The following GPLD1 variants were observed in gnomAD, a reference collection of about 807,000 sequenced individuals.
GPLD1 encodes phosphatidylinositol-glycan-specific phospholipase D.
In GPLD1, 84 loss-of-function variants were observed where a neutral mutation model predicts 112.6. The ratio of observed to expected loss-of-function variants is 0.75; its 90% CI spans 0.63 to 0.89. GPLD1 has a LOEUF of 0.89. Among genes scored for constraint, GPLD1 ranks in the 40% least tolerant of loss-of-function variants. The pLI is 0.00. For synonymous variants in GPLD1, 386 were observed against 403.8 expected (o/e 0.96, Z 0.53); for missense variants, 1,044 against 1,051.5 (o/e 0.99, Z 0.10).
chr6:24,440,648 G>C (rs931927326), intron 20 of GPLD1, among the ~76,000 whole-genome samples: 2 of 145,762 alleles, frequency 1.4e-5, no homozygotes, highest in African/African-American at 5.0e-5. Flanking sequence ...GGCTACTTGT[G>C]AACCTGAGAT....
intron 12 of GPLD1, among the ~76,000 whole-genome samples, chr6:24,456,981 C>T (rs1229747630): frequency 6.6e-6 from 1 of 152,148 alleles, no homozygotes; most frequent in African/African-American, 2.4e-5. Flanking sequence ...AGCAATTCTC[C>T]TGCCTTAGCC....
At chr6:24,440,647 T>C (rs901730188) in intron 20 of GPLD1, among the ~76,000 whole-genome samples, 1 of 147,026 alleles carries the variant, frequency 6.8e-6, no homozygotes, top group Non-Finnish European at 1.5e-5. Flanking sequence ...CGGCTACTTG[T>C]GAACCTGAGA....
rs1276469706 is a variant in GPLD1 at position 24,466,768 on chromosome 6, C to G, written c.733G>C (p.Glu245Gln). 1 of 1,611,658 alleles carries G rather than the reference C, an allele frequency of 6.2e-7. No homozygotes were observed. ...TCATCCAGTCCTCCAAGAAAATACT[C>G]TTGGAATTGTTCCACCAAAAACGGG... ...KSPFLVEQFQ[E>Q]YFLGGLDDMA... The change falls in exon 10 of 25, where the codon GAG becomes CAG. Residue 245 changes from glutamate to glutamine, a missense_variant. Glu to Gln is a conservative substitution (Grantham distance 29). Transcript: ENST00000230036.
At chr6:24,480,044 T>C in intron 2 of GPLD1, 85 bp from the exon 3 acceptor site, 2 of 802,972 alleles carry the variant, frequency 2.5e-6, no homozygotes, top group Non-Finnish European at 4.4e-6. Context: ...TGTGATGAGA[T>C]GCTAGAAATA....
At position 24,437,155 on chromosome 6, in the gene GPLD1, C is replaced by G. The variant is rs1180826854; in HGVS notation, c.2155G>C (p.Gly719Arg). ...FSGDRRFSRF[G>R]GVLHLSDLDD... is the part of the protein sequence containing the mutation. ...AGGTCACTCAAGTGCAGAACGCCAC[C>G]AAATCGGGAGAAGCGGCGGTCTCCG... The change falls in exon 21 of 25, where the codon GGT becomes CGT. Residue 719 changes from glycine (G) to arginine (R), a missense_variant. Transcript: ENST00000230036. The G allele has an allele frequency of 1.2e-6, 2 of 1,614,234 alleles. No homozygotes were observed. The highest frequency in any genetic ancestry group is 1.7e-6 in the Non-Finnish European group (2 of 1,180,030).
At chr6:24,483,557 T>TATTCC (rs1319654171) in intron 2 of GPLD1, among the ~76,000 whole-genome samples, 1 of 151,528 alleles carries the variant, frequency 6.6e-6, no homozygotes, top group African/African-American at 2.4e-5. Context: ...TGCACGCCTG[T>TATTCC]ATTCCCAGCT....
At chr6:24,429,679 CG>C (rs1230631266) in intron 24 of GPLD1, among the ~76,000 whole-genome samples, 1 of 152,112 alleles carries the variant, frequency 6.6e-6, no homozygotes, top group East Asian at 1.9e-4. Context: ...TCCCGAGTAG[CG>C]GAGATTACAG....
rs539515126 is a variant in GPLD1, at chr6:24,476,104, G to A, written c.330+77C>T. ...GCAGCCCTTACAGAGCGGTACAAAT[G>A]GGGTCAATGCGGGTGCAAACACAGT... On this transcript the variant is annotated intron_variant, in intron 4 of 24. Coordinates refer to ENST00000230036, the MANE Select transcript of GPLD1 (RefSeq NM_001503.4). 4.5e-5 allele frequency: 34 copies of A among 762,392 alleles called. No individual in the cohort carries two copies. The African/African-American group carries it at 5.7e-4, about 13-fold the overall frequency. 47.2% of individuals were successfully genotyped at this position (762,392 alleles called of 1,614,324 possible).
intron 1 of GPLD1, among the ~76,000 whole-genome samples, chr6:24,488,218 T>C (rs1429769355): frequency 1.3e-5 from 2 of 151,968 alleles, no homozygotes; most frequent in Non-Finnish European, 2.9e-5. Context: ...TCATCCTGGC[T>C]AACATGGTGA....
intron 20 of GPLD1, among the ~76,000 whole-genome samples, chr6:24,440,722 T>C (rs887609091): frequency 7.4e-5 from 5 of 67,698 alleles, no homozygotes; most frequent in Admixed American, 4.6e-4. Context: ...ACTCCAACTA[T>C]TAAAAAAAAA....
chr6:24,434,578 C>A (rs1037420724), intron 22 of GPLD1, among the ~76,000 whole-genome samples: 10 of 152,064 alleles, frequency 6.6e-5, no homozygotes, highest in Non-Finnish European at 5.9e-5. Context: ...CCTCGCTGAT[C>A]TTTAATTTTT....
At chr6:24,468,301 CAGAT>C (rs1462295078) in intron 7 of GPLD1, among the ~76,000 whole-genome samples, 4 of 152,192 alleles carry the variant, frequency 2.6e-5, no homozygotes, top group African/African-American at 7.2e-5. Context: ...GGGCAAAGGA[CAGAT>C]AGAACTCAAA....
Position 24,427,022 on chromosome 6 carries a change from TCTCTA to T in GPLD1, c.*2005_*2009del, listed in dbSNP as rs753643701. On this transcript the variant is annotated 3_prime_UTR_variant, in exon 25 of 25. Coordinates refer to ENST00000230036, the MANE Select transcript of GPLD1 (RefSeq NM_001503.4). ...CCTCTTCCTGTCCCCTTTTCACCAG[TCTCTA>T]CTCTTGAGAGAAGCTGAGAAGAGAA... is the stretch of plus-strand genomic sequence containing the variant. 1.3e-5 allele frequency among the ~76,000 whole-genome samples: 2 copies of T among 151,510 alleles called. No individual in the cohort carries two copies. Among genetic ancestry groups the T allele is most frequent in the Non-Finnish European group, 2.9e-5 (2 of 68,026 alleles).
In GPLD1 at chr6:24,449,846, G is replaced by A. The variant is rs769924920; in HGVS notation, c.1389C>T (p.Gly463=). 6.2e-6 allele frequency: 10 copies of A among 1,613,668 alleles called. No homozygotes were observed. Among genetic ancestry groups the A allele is most frequent in the South Asian group, 2.2e-5 (2 of 91,068 alleles). The change falls in exon 15 of 25, where the codon GGC becomes GGT. Residue 463 remains glycine, a synonymous_variant. Coordinates refer to ENST00000230036, the MANE Select transcript of GPLD1 (RefSeq NM_001503.4). ...ALAVLDFNVD[G]VPDLAVGAPS... is the part of the protein sequence containing the mutation. ...GAGCTCCCACGGCCAGGTCAGGCAC[G>A]CCGTCCACGTTAAAGTCCAACACAG...
At chr6:24,456,381 G>A (rs1763269744) in intron 13 of GPLD1, 117 bp downstream of exon 13, 1 of 705,120 alleles carries the variant, frequency 1.4e-6, no homozygotes, top group African/African-American at 1.8e-5. Context: ...TGGGTGACAA[G>A]TGAGACTCTG....
chr6:24,462,143 CT>C (rs1297015759), intron 11 of GPLD1, among the ~76,000 whole-genome samples: 1 of 151,916 alleles, frequency 6.6e-6, no homozygotes, highest in Non-Finnish European at 1.5e-5. Context: ...TTTCTTCTTT[CT>C]TTTTTTGAGA....
At chr6:24,491,699 CAA>C (rs143383793), upstream of GPLD1, among the ~76,000 whole-genome samples, 1 of 134,840 alleles carries the variant, frequency 7.4e-6, no homozygotes, top group Non-Finnish European at 1.6e-5. Flanking sequence ...GACCCCACCT[CAA>C]AAAAAAAAAA....
At chr6:24,468,385 C>A (rs1177622677) in intron 7 of GPLD1, among the ~76,000 whole-genome samples, 2 of 152,098 alleles carry the variant, frequency 1.3e-5, no homozygotes, top group African/African-American at 2.4e-5. Context: ...TTTCACTAAA[C>A]CAGACTACAG....
chr6:24,473,478 C>A, intron 6 of GPLD1, 141 bp downstream of exon 6: 1 of 563,212 alleles, frequency 1.8e-6, no homozygotes, highest in Non-Finnish European at 3.3e-6. Flanking sequence ...TACATCTCTA[C>A]TCTAAATGAA....
Sources: gnomAD v4.1 joint callset for allele counts (sites outside exome capture counted in the v4.1 genomes callset) on GRCh38, gnomAD v4.1.1 for gene constraint, MANE v1.5 for transcripts, NCBI Gene and HGNC (gene_info 2026-07-23, HGNC 2026-07-21) for gene names.